ADCY1: variants seen among roughly 807,000 people sequenced by gnomAD.
The protein encoded by ADCY1 is adenylate cyclase 1.
ADCY1 carries 28 observed loss-of-function variants against 105.4 expected under a neutral mutation model. The observed-to-expected ratio is 0.27, with a 90% confidence interval of 0.20 to 0.36. The LOEUF (loss-of-function observed/expected upper bound fraction) is 0.36. ADCY1 is among the 10% of genes least tolerant of loss of function. The probability of loss-of-function intolerance (pLI) is 1.00; values close to 1 mark genes in which losing one functional copy is unlikely to be tolerated. For synonymous variants in ADCY1, 655 were observed against 623.8 expected (o/e 1.05, Z -0.75); for missense variants, 977 against 1,434.2 (o/e 0.68, Z 5.15).
chr7:45,676,497 C>T (rs574032837), intron 8 of ADCY1, among the ~76,000 whole-genome samples: 1 of 152,088 alleles, frequency 6.6e-6, no homozygotes, highest in African/African-American at 2.4e-5. Flanking sequence ...TTTGTTTTAG[C>T]AAGTCTCTTC....
Position 45,708,101 on chromosome 7 carries a change from C to T in ADCY1, c.2818-249C>T, listed in dbSNP as rs1267269190. Among the ~76,000 whole-genome samples, 3 of 152,230 alleles carry T rather than the reference C, an allele frequency of 2.0e-5. No homozygotes were observed. The highest frequency in any genetic ancestry group is 4.8e-5 in the African/African-American group (2 of 41,462). On this transcript the variant is annotated intron_variant, in intron 17 of 19. Transcript: ENST00000297323. The surrounding 1 kb of genome is among the most constrained non-coding windows in gnomAD (Gnocchi z 4.7). Reference sequence around the variant, plus strand: ...CCTGGTCTCCCACTCAAAAGGGCTGCCCTGCCCTATTCCTGCAGGCAGCCT... The same window carrying T: ...CCTGGTCTCCCACTCAAAAGGGCTGTCCTGCCCTATTCCTGCAGGCAGCCT...
At chr7:45,638,952 G>T (rs1024983486) in intron 4 of ADCY1, among the ~76,000 whole-genome samples, 3 of 152,148 alleles carry the variant, frequency 2.0e-5, no homozygotes, top group Admixed American at 6.5e-5. Flanking sequence ...AGTCTCTGGT[G>T]TTGGAGATGC....
chr7:45,707,856 C>A (rs1785150935), intron 17 of ADCY1, among the ~76,000 whole-genome samples: 1 of 152,124 alleles, frequency 6.6e-6, no homozygotes, highest in African/African-American at 2.4e-5. Flanking sequence ...GCATTAGTTT[C>A]CTGATTGTGA....
intron 2 of ADCY1, among the ~76,000 whole-genome samples, chr7:45,606,523 G>A (rs974948187): frequency 1.3e-5 from 2 of 152,158 alleles, no homozygotes; most frequent in African/African-American, 4.8e-5. Context: ...GCATATATGA[G>A]GCTAAAGAAA....
intron 2 of ADCY1, among the ~76,000 whole-genome samples, chr7:45,595,355 A>AGG (rs1459450036): frequency 2.0e-4 from 30 of 152,120 alleles, no homozygotes; most frequent in Admixed American, 1.6e-3. Flanking sequence ...GCTGCTCTGC[A>AGG]GTCCCTGTCT....
intron 7 of ADCY1, 80 bp downstream of exon 7, chr7:45,660,263 G>T (rs1255773097): frequency 3.2e-6 from 5 of 1,554,880 alleles, no homozygotes; most frequent in Middle Eastern, 1.7e-4. Flanking sequence ...GACTCCTCCT[G>T]CTTCCTCTCC....
Position 45,660,179 on chromosome 7 carries a change from G to A in ADCY1, c.1445G>A (p.Arg482Gln). ...TTTTTTATTGTGCCATCCCATCGCC[G>A]AAAGGTAGGCACCAGAGCCCCCCTC... ...ETFFIVPSHRRKIFPGLILSD... is the reference protein window; with the variant it reads ...ETFFIVPSHRQKIFPGLILSD... Residue 482 changes from arginine to glutamine, a missense_variant, in exon 7 of 20, where the codon CGA becomes CAA. Coordinates refer to ENST00000297323, the MANE Select transcript of ADCY1 (RefSeq NM_021116.4). 1.2e-6 allele frequency: 2 copies of A among 1,614,110 alleles called. No individual in the cohort carries two copies. The highest frequency in any genetic ancestry group is 1.7e-6 in the Non-Finnish European group (2 of 1,179,992).
At position 45,664,294 on chromosome 7, in the gene ADCY1, G is replaced by GATCC. The variant is rs1484122407; in HGVS notation, c.1605+2085_1605+2088dup. On this transcript the variant is annotated intron_variant, in intron 8 of 19. Coordinates refer to ENST00000297323, the MANE Select transcript of ADCY1 (RefSeq NM_021116.4). ...ATCTGATGCCTCTCCTGTAGGTTCA[G>GATCC]ATCCATCCCTCACTGAGTGGCCTGG... The GATCC allele has an allele frequency of 6.5e-6, 10 of 1,536,056 alleles. No homozygotes were observed. In the Admixed American group the frequency reaches 1.4e-4, roughly 21 times the overall value.
At chr7:45,709,606 A>G (rs1785185994) in intron 18 of ADCY1, among the ~76,000 whole-genome samples, 1 of 152,162 alleles carries the variant, frequency 6.6e-6, no homozygotes, top group African/African-American at 2.4e-5. Context: ...GGCTCCTCCT[A>G]TGCCATGCCA....
chr7:45,626,712 C>G (rs958382600), intron 4 of ADCY1, among the ~76,000 whole-genome samples: 4 of 152,204 alleles, frequency 2.6e-5, no homozygotes, highest in African/African-American at 9.6e-5. Flanking sequence ...AGAATATTTT[C>G]TAGTTTCTAG....
rs545411265 is a variant in ADCY1, at chr7:45,619,358, C to T, written c.909-3274C>T. ...GCAATTTTCAAGTACGTAGAAGAGA[C>T]GATATTTGAATGTTACCAACACAAA... On this transcript the variant is annotated intron_variant, in intron 3 of 19. Coordinates refer to ENST00000297323, the MANE Select transcript of ADCY1 (RefSeq NM_021116.4). Among the ~76,000 whole-genome samples the T allele has an allele frequency of 3.7e-4, 56 of 152,090 alleles. No individual in the cohort carries two copies. In the South Asian group the frequency reaches 7.7e-3, roughly 21 times the overall value.
At chr7:45,683,940 C>G (rs1784614408) in intron 11 of ADCY1, among the ~76,000 whole-genome samples, 1 of 152,268 alleles carries the variant, frequency 6.6e-6, no homozygotes, top group Non-Finnish European at 1.5e-5. Context: ...TCCCTTAGCA[C>G]ACCGAGCTCA....
At chr7:45,614,854 G>A (rs1034312109) in intron 3 of ADCY1, among the ~76,000 whole-genome samples, 4 of 152,146 alleles carry the variant, frequency 2.6e-5, no homozygotes, top group Non-Finnish European at 4.4e-5. Context: ...TATGTATTCA[G>A]CATAAAAGCA....
At chr7:45,617,294 C>G (rs1054462845) in intron 3 of ADCY1, among the ~76,000 whole-genome samples, 3 of 152,202 alleles carry the variant, frequency 2.0e-5, no homozygotes, top group Non-Finnish European at 4.4e-5. Flanking sequence ...GCAGGCACCA[C>G]TCCTGGGGCT....
chr7:45,581,166 A>G (rs539013911), intron 1 of ADCY1, among the ~76,000 whole-genome samples: 1 of 152,194 alleles, frequency 6.6e-6, no homozygotes, highest in Admixed American at 6.5e-5. Flanking sequence ...AGGGAACAGT[A>G]GCTCCCTTCT....
intron 2 of ADCY1, among the ~76,000 whole-genome samples, chr7:45,595,088 A>G (rs1486598052): frequency 6.6e-6 from 1 of 152,222 alleles, no homozygotes; most frequent in Non-Finnish European, 1.5e-5. Context: ...CACATGAAGT[A>G]TTCACTGAGT....
At chr7:45,677,374 C>G (rs531777314) in intron 8 of ADCY1, among the ~76,000 whole-genome samples, 5 of 152,220 alleles carry the variant, frequency 3.3e-5, no homozygotes, top group African/African-American at 9.6e-5. Context: ...TCTCGTATCC[C>G]TCATGTGACA....
intron 8 of ADCY1, among the ~76,000 whole-genome samples, chr7:45,667,570 C>T (rs1486216160): frequency 6.6e-6 from 1 of 152,166 alleles, no homozygotes; most frequent in Non-Finnish European, 1.5e-5. Context: ...CATGATGCCT[C>T]CAGCTTTGTT....
chr7:45,658,058 G>A (rs543809337), intron 6 of ADCY1, among the ~76,000 whole-genome samples, 173 bp downstream of exon 6: 7 of 152,324 alleles, frequency 4.6e-5, no homozygotes, highest in East Asian at 3.9e-4. Flanking sequence ...TGTGGTGGGC[G>A]TCCCACCCAG....
Sources: allele counts gnomAD v4.1 joint callset (sites outside exome capture counted in the v4.1 genomes callset), GRCh38; gene constraint gnomAD v4.1.1; non-coding constraint Gnocchi (gnomAD v3.1); transcripts MANE v1.5; gene names NCBI Gene and HGNC (gene_info 2026-07-23, HGNC 2026-07-21).